Variants in QTRT2 observed in about 807,000 individuals in gnomAD.
The protein encoded by QTRT2 is queuine tRNA-ribosyltransferase domain containing 1.
Under a neutral mutation model 44.8 loss-of-function variants are expected in QTRT2, and 32 were observed. The observed-to-expected ratio is 0.71, with a 90% CI of 0.54 to 0.96. The LOEUF (loss-of-function observed/expected upper bound fraction) is 0.96, where lower values mean the gene tolerates loss of function less well. Among genes scored for constraint, QTRT2 ranks in the 40% least tolerant of loss-of-function variants. The pLI, the probability that QTRT2 is intolerant of heterozygous loss-of-function variation, is 0.00. For missense variants in QTRT2, 461 were observed against 503.1 expected, an observed-to-expected ratio of 0.92 and a Z score of 0.80; for synonymous variants, 182 against 187.4, an observed-to-expected ratio of 0.97 and a Z score of 0.24.
chr3:114,078,370 C>G (rs1429591315), intron 7 of QTRT2: 1 of 151,246 alleles, frequency 6.6e-6, no homozygotes, highest in African/African-American at 2.4e-5. Context: ...CATTACATCA[C>G]TTGAAGGAAA....
intron 9 of QTRT2, 149 bp from the exon 10 acceptor site, chr3:114,085,524 A>G: frequency 1.4e-6 from 1 of 724,626 alleles, no homozygotes. Context: ...ACTTTTAACC[A>G]TATTGCCATT....
At chr3:114,074,830 A>G (rs960100394) in intron 6 of QTRT2, among the ~76,000 whole-genome samples, 2 of 152,184 alleles carry the variant, frequency 1.3e-5, no homozygotes, top group Non-Finnish European at 2.9e-5. Flanking sequence ...CTTGTTTTTC[A>G]TTTAGCAATA....
rs765402348 is a variant in QTRT2 at position 114,087,217 on chromosome 3, C to G, written c.*1313C>G. On this transcript the variant is annotated 3_prime_UTR_variant, in exon 10 of 10. Transcript: ENST00000281273. ...TAAGAAATACATTTGTTTTATACTT[C>G]TATGCTATATTTTGCTATTCAAAAT... 2.6e-5 allele frequency: 4 copies of G among 152,122 alleles called. No homozygotes were observed. Among genetic ancestry groups the G allele is most frequent in the Non-Finnish European group, 5.9e-5 (4 of 68,028 alleles). 9.4% of individuals were successfully genotyped at this position (152,122 alleles called of 1,614,324 possible). A position where few individuals can be genotyped will look rare whatever the true frequency, so the allele number is the denominator to read the frequency against.
rs1001310084 is a variant in QTRT2, at chr3:114,087,538, C to A, written c.*1634C>A. ...GGACTACAGGCGCCCGCCACCATGC[C>A]TGGCTAATTTTTTATATTTTTAGTA... On this transcript the variant is annotated 3_prime_UTR_variant, in exon 10 of 10. Coordinates refer to ENST00000281273, the MANE Select transcript of QTRT2 (RefSeq NM_024638.4). 6.6e-6 allele frequency: 1 copy of A among 152,170 alleles called. No individual in the cohort carries two copies. The highest frequency in any genetic ancestry group is 1.5e-5 in the Non-Finnish European group (1 of 68,114). The allele number at this position is 152,170 out of a possible 1,614,324, so 9.4% of individuals were successfully genotyped here.
chr3:114,082,760 AT>A lies in QTRT2; in HGVS notation c.983del (p.Ile328LysfsTer8). The A allele has an allele frequency of 6.7e-7, 1 of 1,499,762 alleles. No individual in the cohort carries two copies. The highest frequency in any genetic ancestry group is 9.1e-7 in the Non-Finnish European group (1 of 1,094,892). 92.9% of individuals were successfully genotyped at this position (1,499,762 alleles called of 1,614,324 possible). ...KIETTGCNQE[I>X]TSFEINLKEK... ...TGAAACAACTGGTTGCAACCAAGAAATAACATCATTTGAAATTAATCTGAAG... is the reference window on the plus strand; with the variant it reads ...TGAAACAACTGGTTGCAACCAAGAAAAACATCATTTGAAATTAATCTGAAG... On this transcript the variant is annotated frameshift_variant, in exon 9 of 10. Coordinates refer to ENST00000281273, the MANE Select transcript of QTRT2 (RefSeq NM_024638.4). LOFTEE classifies it high-confidence loss of function.
chr3:114,082,835 CT>C, intron 9 of QTRT2, 41 bp downstream of exon 9: 1 of 897,426 alleles, frequency 1.1e-6, no homozygotes, highest in Non-Finnish European at 1.8e-6. Flanking sequence ...TTTCTGACTT[CT>C]GAATTTTAGT....
intron 2 of QTRT2, among the ~76,000 whole-genome samples, chr3:114,061,274 G>A (rs979285706): frequency 3.3e-5 from 5 of 151,702 alleles, no homozygotes; most frequent in African/African-American, 1.2e-4. Context: ...TGCTTTTTTC[G>A]ATTCTCAGAG....
Position 114,085,717 on chromosome 3 carries a change from A to G in QTRT2, c.1061A>G (p.Tyr354Cys). ...FNPLVRGCSC[Y>C]CCKNHTRAYI... The stretch of plus-strand genomic sequence containing the variant: ...CCGCTGGTGAGAGGATGTTCCTGTT[A>G]CTGCTGTAAGAATCACACTCGGGCA... Residue 354 changes from tyrosine (Y) to cysteine (C), a missense_variant, in exon 10 of 10, where the codon TAC becomes TGC. Tyr to Cys is a radical substitution (Grantham distance 194). Coordinates refer to ENST00000281273, the MANE Select transcript of QTRT2 (RefSeq NM_024638.4). The G allele has an allele frequency of 6.2e-7, 1 of 1,614,178 alleles. No homozygotes were observed. The highest frequency in any genetic ancestry group is 1.1e-5 in the South Asian group (1 of 91,082).
intron 3 of QTRT2, among the ~76,000 whole-genome samples, chr3:114,065,926 T>G (rs910721721): frequency 1.2e-4 from 19 of 152,230 alleles, no homozygotes; most frequent in Non-Finnish European, 2.2e-4. Flanking sequence ...AACATAATAG[T>G]CTGCAGCGTT....
At chr3:114,069,345 T>C (rs894941917) in intron 5 of QTRT2, among the ~76,000 whole-genome samples, 3 of 152,078 alleles carry the variant, frequency 2.0e-5, no homozygotes, top group African/African-American at 7.2e-5. Flanking sequence ...ATCACTGAGG[T>C]ATTAAGCCTA....
Position 114,085,944 on chromosome 3 carries a change from G to A in QTRT2, c.*40G>A, listed in dbSNP as rs764204066. 7.0e-6 allele frequency: 10 copies of A among 1,427,310 alleles called. No homozygotes were observed. The South Asian group carries it at 8.1e-5, about 11-fold the overall frequency. 88.4% of individuals were successfully genotyped at this position (1,427,310 alleles called of 1,614,324 possible). On this transcript the variant is annotated 3_prime_UTR_variant, in exon 10 of 10. Transcript: ENST00000281273. Reference sequence around the variant, plus strand: ...AAGTCTCACTCTTCACACTGAGCCTGTACCACTGTTGTAACATGGGAAGAC... The same window carrying A: ...AAGTCTCACTCTTCACACTGAGCCTATACCACTGTTGTAACATGGGAAGAC...
At chr3:114,084,060 CTTTTTTT>C (rs36088762) in intron 9 of QTRT2, among the ~76,000 whole-genome samples, 4 of 134,772 alleles carry the variant, frequency 3.0e-5, no homozygotes, top group African/African-American at 5.4e-5. Context: ...TCACTTTTTT[CTTTTTTT>C]TTTTTTTTTG....
intron 6 of QTRT2, among the ~76,000 whole-genome samples, chr3:114,075,285 C>G (rs1185936929): frequency 2.0e-5 from 3 of 152,128 alleles, no homozygotes; most frequent in Admixed American, 2.0e-4. Flanking sequence ...ACCTTACTAA[C>G]AAGGTTTAGT....
chr3:114,079,132 G>A (rs185109611), intron 7 of QTRT2: 34 of 152,372 alleles, frequency 2.2e-4, no homozygotes, highest in Admixed American at 2.1e-3. Flanking sequence ...TCTATATAGT[G>A]TATAGAAGAT....
Position 114,056,873 on chromosome 3 carries a change from C to T in QTRT2, c.-130+9C>T. The T allele has an allele frequency of 6.5e-7, 1 of 1,535,788 alleles. No homozygotes were observed. The highest frequency in any genetic ancestry group is 8.7e-7 in the Non-Finnish European group (1 of 1,146,728). Reference sequence around the variant, plus strand: ...GAATGGTTTGTTGGCAGGTAAGTGCCCCTTTGCCCTGCTGGTGTGGGAGCT... The same window carrying T: ...GAATGGTTTGTTGGCAGGTAAGTGCTCCTTTGCCCTGCTGGTGTGGGAGCT... On this transcript the variant is annotated intron_variant, in intron 1 of 9. Transcript: ENST00000281273.
rs1003821428 is a variant in QTRT2, at chr3:114,077,058, C to T, written c.746+116C>T. On this transcript the variant is annotated intron_variant, in intron 7 of 9. Coordinates refer to ENST00000281273, the MANE Select transcript of QTRT2 (RefSeq NM_024638.4). ...CATGCCTTTGATGTTTTGTTTATGTCCTTTCTGGGCTGAGTCTGCTGAGGT... is the reference window on the plus strand; with the variant it reads ...CATGCCTTTGATGTTTTGTTTATGTTCTTTCTGGGCTGAGTCTGCTGAGGT... 9 of 993,460 alleles carry T rather than the reference C, an allele frequency of 9.1e-6. No individual in the cohort carries two copies. The African/African-American group carries it at 1.1e-4, about 12-fold the overall frequency. The allele number at this position is 993,460 out of a possible 1,614,324, so 61.5% of individuals were successfully genotyped here. A position where few individuals can be genotyped will look rare whatever the true frequency, so the allele number is the denominator to read the frequency against.
chr3:114,057,395 T>G (rs9813552), intron 2 of QTRT2: 14,771 of 152,632 alleles, frequency 0.097, 793 homozygotes, highest in East Asian at 0.13. Context: ...GACCCTGTTT[T>G]CTCATGCAAA....
rs564107047 is a variant in QTRT2, at chr3:114,065,043, C to T, written c.-21-194C>T. 2.6e-5 allele frequency among the ~76,000 whole-genome samples: 4 copies of T among 152,252 alleles called. No homozygotes were observed. The South Asian group carries it at 8.3e-4, about 32-fold the overall frequency. ...TTGATGCCAATATGTGGTTCTGGGA[C>T]CTTAGGGAAGATGTCTTATTCTCTT... is the stretch of plus-strand genomic sequence containing the variant. On this transcript the variant is annotated intron_variant, in intron 2 of 9. Coordinates refer to ENST00000281273, the MANE Select transcript of QTRT2 (RefSeq NM_024638.4).
chr3:114,080,561 T>C (rs1360253829), intron 8 of QTRT2, among the ~76,000 whole-genome samples: 1 of 152,188 alleles, frequency 6.6e-6, no homozygotes, highest in African/African-American at 2.4e-5. Context: ...GACTGCCATT[T>C]TCTTTTATTA....
Sources: gnomAD v4.1 joint callset for allele counts (sites outside exome capture counted in the v4.1 genomes callset) on GRCh38, gnomAD v4.1.1 for gene constraint, MANE v1.5 for transcripts, NCBI Gene and HGNC (gene_info 2026-07-23, HGNC 2026-07-21) for gene names.